Variants in HIVEP3 observed in about 807,000 individuals in gnomAD.
The protein encoded by HIVEP3 is transcription factor HIVEP3.
A neutral mutation model predicts 152.8 loss-of-function variants in HIVEP3; 49 were observed. The observed-to-expected ratio is 0.32, with a 90% confidence interval of 0.26 to 0.41. HIVEP3 has a LOEUF of 0.41. Ranked by LOEUF, HIVEP3 falls within the 10% of genes least tolerant of loss-of-function variation. HIVEP3 has a pLI of 1.00. For missense variants in HIVEP3, 2,790 were observed against 3,103.3 expected, an observed-to-expected ratio of 0.90 and a Z score of 2.40; for synonymous variants, 1,269 against 1,289.0, an observed-to-expected ratio of 0.98 and a Z score of 0.33.
intron 1 of HIVEP3, among the ~76,000 whole-genome samples, chr1:41,825,567 G>A (rs1031771410): frequency 1.1e-5 from 1 of 87,506 alleles, no homozygotes; most frequent in Non-Finnish European, 2.3e-5. Flanking sequence ...CACTGCACCT[G>A]GCCAAAGTGA....
chr1:41,818,804 C>T (rs1642496091), intron 1 of HIVEP3, among the ~76,000 whole-genome samples: 1 of 152,178 alleles, frequency 6.6e-6, no homozygotes, highest in Non-Finnish European at 1.5e-5. Flanking sequence ...AACCTCTGCC[C>T]CTTCTTCATT....
At chr1:41,911,163 T>G (rs968317737) in intron 1 of HIVEP3, among the ~76,000 whole-genome samples, 2 of 152,058 alleles carry the variant, frequency 1.3e-5, no homozygotes, top group Non-Finnish European at 2.9e-5. Context: ...ATAAGAGAGA[T>G]GTAAACTACC....
At chr1:41,964,965 C>G (rs1645189566) in intron 1 of HIVEP3, among the ~76,000 whole-genome samples, 1 of 152,136 alleles carries the variant, frequency 6.6e-6, no homozygotes, top group Non-Finnish European at 1.5e-5. Context: ...CTGGTGAGAC[C>G]CACCCCCCTC....
chr1:41,888,269 G>A (rs902119351), intron 1 of HIVEP3, among the ~76,000 whole-genome samples: 7 of 144,974 alleles, frequency 4.8e-5, no homozygotes, highest in Non-Finnish European at 9.0e-5. Context: ...AGCCAGGATG[G>A]TCTCAATCTC....
rs1644456514 is a variant in HIVEP3 at position 41,583,638 on chromosome 1, C to T, written c.1160G>A (p.Gly387Glu). The T allele has an allele frequency of 6.2e-7, 1 of 1,614,062 alleles. No individual in the cohort carries two copies. Among genetic ancestry groups the T allele is most frequent in the Non-Finnish European group, 8.5e-7 (1 of 1,180,038 alleles). Residue 387 changes from glycine (G) to glutamate (E), a missense_variant, in exon 4 of 9, where the codon GGG becomes GAG. Physicochemically the swap from Gly to Glu is moderately conservative, Grantham distance 98 (BLOSUM62 -2). This residue lies in a region of HIVEP3 where 134 missense variants were observed against 242.5 expected (regional missense o/e 0.55). Coordinates refer to ENST00000372583, the MANE Select transcript of HIVEP3 (RefSeq NM_024503.5). This position sits in a 1 kb window ranked among gnomAD's most constrained non-coding sequence, Gnocchi z 6.9. ...EQAFLSPGSKGSTESGYFSRS... is the reference protein window; with the variant it reads ...EQAFLSPGSKESTESGYFSRS... ...AGAGAAATACCCAGACTCAGTACTC[C>T]CTTTGCTGCCTGGGCTCAGAAACGC...
chr1:42,022,041 G>A (rs1164817527), intron 1 of HIVEP3, among the ~76,000 whole-genome samples: 2 of 152,120 alleles, frequency 1.3e-5, no homozygotes, highest in Non-Finnish European at 2.9e-5. Flanking sequence ...TAGCAACAGG[G>A]CTGGGGCCCC....
intron 1 of HIVEP3, among the ~76,000 whole-genome samples, chr1:41,808,061 G>C (rs1197848500): frequency 6.6e-6 from 1 of 152,120 alleles, no homozygotes; most frequent in Non-Finnish European, 1.5e-5. Flanking sequence ...ATCCACTATG[G>C]GCTAGACATT....
intron 1 of HIVEP3, chr1:41,847,820 C>G (rs1643484839): frequency 2.0e-5 from 3 of 152,596 alleles, no homozygotes; most frequent in Non-Finnish European, 4.4e-5. Context: ...AGTCAAAGCA[C>G]CAGGAGGGGA....
intron 3 of HIVEP3, among the ~76,000 whole-genome samples, chr1:41,620,211 G>T (rs1314106621): frequency 1.3e-5 from 2 of 152,212 alleles, no homozygotes; most frequent in African/African-American, 2.4e-5. Context: ...GCACAGGTGG[G>T]TCCAGTTTCC....
At chr1:41,744,641 C>T (rs946932286) in intron 1 of HIVEP3, among the ~76,000 whole-genome samples, 6 of 152,278 alleles carry the variant, frequency 3.9e-5, no homozygotes, top group African/African-American at 1.4e-4. Flanking sequence ...TCTACTCAGT[C>T]GATGTATTGA....
intron 3 of HIVEP3, among the ~76,000 whole-genome samples, chr1:41,592,779 A>G (rs555520261): frequency 1.3e-5 from 2 of 152,314 alleles, no homozygotes; most frequent in South Asian, 4.1e-4. Context: ...ATAACATTCT[A>G]ACCTCACTCA....
rs552019627 is a variant in HIVEP3, at chr1:41,887,837, A to T, written c.-801+30576T>A. ...ACATTCCCTAAACTTGCACTGTCCA[A>T]AATGGTGGTCCTGGCCACATGCGGC... On this transcript the variant is annotated intron_variant, in intron 1 of 8. Coordinates refer to ENST00000372583, the MANE Select transcript of HIVEP3 (RefSeq NM_024503.5). Among the ~76,000 whole-genome samples the T allele has an allele frequency of 5.9e-5, 9 of 152,270 alleles. No homozygotes were observed. The South Asian group carries it at 1.9e-3, about 32-fold the overall frequency.
At chr1:41,941,436 C>T (rs1352233444) in intron 1 of HIVEP3, among the ~76,000 whole-genome samples, 1 of 152,046 alleles carries the variant, frequency 6.6e-6, no homozygotes, top group African/African-American at 2.4e-5. Flanking sequence ...TCTTCCATCA[C>T]ACTACAGAGA....
chr1:41,946,796 C>T (rs559756517), intron 1 of HIVEP3, among the ~76,000 whole-genome samples: 5 of 152,176 alleles, frequency 3.3e-5, no homozygotes, highest in South Asian at 2.1e-4. Flanking sequence ...CTCTTAGACC[C>T]GAGGCCCTAC....
At chr1:41,835,032 A>G (rs1191871139) in intron 1 of HIVEP3, among the ~76,000 whole-genome samples, 1 of 152,322 alleles carries the variant, frequency 6.6e-6, no homozygotes, top group African/African-American at 2.4e-5. Context: ...CCACGAAGCC[A>G]TTGCAGGGTT....
In HIVEP3 at chr1:41,581,386, A is replaced by G; in HGVS notation, c.3412T>C (p.Tyr1138His). ...AAAAGGGAGACTGGTGGGGGCAGGT[A>G]TGGCTTCTCATGCAGGGGTGTCTGG... ...VAQTPLHEKP[Y>H]LPPPVSLFSF... The change falls in exon 4 of 9, where the codon TAC becomes CAC. Residue 1138 changes from tyrosine (Y) to histidine (H), a missense_variant. By Grantham distance (83) the Tyr-to-His change is moderately conservative. Coordinates refer to ENST00000372583, the MANE Select transcript of HIVEP3 (RefSeq NM_024503.5). This position sits in a 1 kb window ranked among gnomAD's most constrained non-coding sequence, Gnocchi z 4.5. 1 of 1,610,644 alleles carries G rather than the reference A, an allele frequency of 6.2e-7. No homozygotes were observed. The highest frequency in any genetic ancestry group is 1.1e-5 in the South Asian group (1 of 90,270).
intron 1 of HIVEP3, among the ~76,000 whole-genome samples, chr1:41,932,640 A>G (rs1645001432): frequency 6.6e-6 from 1 of 151,828 alleles, no homozygotes; most frequent in African/African-American, 2.4e-5. Flanking sequence ...TTTGATTGAT[A>G]TATCCAAATT....
At chr1:42,003,265 T>C (rs1570884140) in intron 1 of HIVEP3, among the ~76,000 whole-genome samples, 3 of 152,122 alleles carry the variant, frequency 2.0e-5, no homozygotes, top group South Asian at 4.1e-4. Flanking sequence ...TTAGTAGAGA[T>C]GAGGTTTCAT....
Position 41,579,586 on chromosome 1 carries a change from G to A in HIVEP3, c.5061+151C>T, listed in dbSNP as rs535683483. 1.3e-5 allele frequency: 10 copies of A among 784,306 alleles called. No individual in the cohort carries two copies. The South Asian group carries it at 1.5e-4, about 12-fold the overall frequency. The allele number at this position is 784,306 out of a possible 1,614,324, so 48.6% of individuals were successfully genotyped here. On this transcript the variant is annotated intron_variant, in intron 4 of 8. Transcript: ENST00000372583. ...AGAAACTCAATAAACATGTTTCCTTGTAAGGTGACCAGTCTCAGCTTTCAG... is the reference window on the plus strand; with the variant it reads ...AGAAACTCAATAAACATGTTTCCTTATAAGGTGACCAGTCTCAGCTTTCAG...
Sources: allele counts gnomAD v4.1 joint callset (sites outside exome capture counted in the v4.1 genomes callset), GRCh38; gene constraint gnomAD v4.1.1; regional missense constraint gnomAD v4.1.1; non-coding constraint Gnocchi (gnomAD v3.1); transcripts MANE v1.5; gene names NCBI Gene and HGNC (gene_info 2026-07-23, HGNC 2026-07-21).